Variants in ANKRD33B observed in about 807,000 individuals in gnomAD.
The protein encoded by ANKRD33B is ankyrin repeat domain 33B.
In ANKRD33B, 6 loss-of-function variants were observed where a neutral mutation model predicts 21.5. That is an observed-to-expected ratio of 0.28 (90% CI 0.15 to 0.55). The LOEUF is 0.55. Among genes scored for constraint, ANKRD33B ranks in the 20% least tolerant of loss-of-function variants. ANKRD33B has a pLI of 0.94. For missense variants in ANKRD33B, 698 were observed against 747.2 expected, an observed-to-expected ratio of 0.93 and a Z score of 0.77; for synonymous variants, 347 against 342.4, an observed-to-expected ratio of 1.01 and a Z score of -0.15.
At chr5:10,600,747 G>A (rs75096862) in intron 1 of ANKRD33B, among the ~76,000 whole-genome samples, 122 of 152,272 alleles carry the variant, frequency 8.0e-4, no homozygotes, top group African/African-American at 2.8e-3. Flanking sequence ...CAGTTTCCCA[G>A]TGTGGTTCTT....
At chr5:10,630,436 C>T (rs369556111) in intron 2 of ANKRD33B, among the ~76,000 whole-genome samples, 3 of 152,218 alleles carry the variant, frequency 2.0e-5, no homozygotes, top group Non-Finnish European at 2.9e-5. Context: ...AACATCCCAT[C>T]GGCCAAGGTT....
chr5:10,568,056 GTAAC>G (rs943233679), intron 1 of ANKRD33B, among the ~76,000 whole-genome samples: 41 of 152,284 alleles, frequency 2.7e-4, no homozygotes, highest in Admixed American at 2.2e-3. Flanking sequence ...TTTGGTCTGG[GTAAC>G]TAAGGGTCAG....
At chr5:10,646,350 ACTTAT>A (rs1737188874) in intron 3 of ANKRD33B, among the ~76,000 whole-genome samples, 3 of 152,214 alleles carry the variant, frequency 2.0e-5, no homozygotes, top group Admixed American at 6.5e-5. Context: ...AATAATCGGT[ACTTAT>A]CTTTTATAAT....
At chr5:10,601,367 C>T (rs575659302) in intron 1 of ANKRD33B, among the ~76,000 whole-genome samples, 9 of 152,338 alleles carry the variant, frequency 5.9e-5, no homozygotes, top group South Asian at 2.1e-4. Flanking sequence ...CACGCCTTTG[C>T]ACATGCTTGC....
chr5:10,587,766 TGTA>T (rs1172584994), intron 1 of ANKRD33B, among the ~76,000 whole-genome samples: 12 of 152,194 alleles, frequency 7.9e-5, no homozygotes, highest in Non-Finnish European at 4.4e-5. Flanking sequence ...TTTATTCACT[TGTA>T]GGGGTATTTC....
chr5:10,657,198 T>C lies in ANKRD33B; in HGVS notation c.*7085T>C, dbSNP rs957546691. 1.6e-4 allele frequency: 25 copies of C among 152,352 alleles called. No individual in the cohort carries two copies. The highest frequency in any genetic ancestry group is 6.0e-4 in the African/African-American group (25 of 41,450). 9.4% of individuals were successfully genotyped at this position (152,352 alleles called of 1,614,324 possible). A position where few individuals can be genotyped will look rare whatever the true frequency, so the allele number is the denominator to read the frequency against. On this transcript the variant is annotated 3_prime_UTR_variant, in exon 4 of 4. Transcript: ENST00000296657. Reference sequence around the variant, plus strand: ...AATATGACCAGCAAGCCCGTGAGCCTTTGGGGCATCCGACTGAATTTGAAA... The same window carrying C: ...AATATGACCAGCAAGCCCGTGAGCCCTTGGGGCATCCGACTGAATTTGAAA...
chr5:10,584,523 A>C (rs1735511769), intron 1 of ANKRD33B, among the ~76,000 whole-genome samples: 1 of 152,090 alleles, frequency 6.6e-6, no homozygotes, highest in African/African-American at 2.4e-5. Context: ...CCAGCCTGGG[A>C]GACAGAGCAA....
At chr5:10,628,159 C>T (rs1736625004) in intron 2 of ANKRD33B, 1 of 152,314 alleles carries the variant, frequency 6.6e-6, no homozygotes, top group Non-Finnish European at 1.5e-5. Context: ...TAACATTTTC[C>T]AATTTTTAGA....
chr5:10,647,065 T>C (rs1311521392), intron 3 of ANKRD33B, among the ~76,000 whole-genome samples: 3 of 152,218 alleles, frequency 2.0e-5, no homozygotes, highest in Admixed American at 6.5e-5. Context: ...TCCATGTTGC[T>C]TTGCTGGTGG....
At chr5:10,586,285 G>A (rs190748227) in intron 1 of ANKRD33B, among the ~76,000 whole-genome samples, 2 of 152,070 alleles carry the variant, frequency 1.3e-5, no homozygotes, top group Admixed American at 1.3e-4. Context: ...CACTTCCCAC[G>A]ATTTGGTTGA....
intron 1 of ANKRD33B, among the ~76,000 whole-genome samples, chr5:10,570,770 G>A (rs1490427202): frequency 6.6e-6 from 1 of 152,044 alleles, no homozygotes; most frequent in Non-Finnish European, 1.5e-5. Context: ...TGTTGCCCAG[G>A]CTGGTCTCAA....
intron 3 of ANKRD33B, among the ~76,000 whole-genome samples, chr5:10,646,791 T>C (rs555194300): frequency 1.3e-5 from 2 of 152,334 alleles, no homozygotes; most frequent in East Asian, 3.9e-4. Flanking sequence ...TAATTACCAC[T>C]CTTCTAATAT....
intron 1 of ANKRD33B, among the ~76,000 whole-genome samples, chr5:10,609,025 G>A (rs1393337825): frequency 6.6e-6 from 1 of 152,210 alleles, no homozygotes; most frequent in African/African-American, 2.4e-5. Flanking sequence ...AGTGTCTAGG[G>A]CTGTATTGCC....
chr5:10,625,182 G>A (rs56006642), intron 2 of ANKRD33B: 4,728 of 160,274 alleles, frequency 0.029, 248 homozygotes, highest in African/African-American at 0.11. Context: ...GCCCAATCAG[G>A]TGATGTCCCA....
At position 10,652,027 on chromosome 5, in the gene ANKRD33B, G is replaced by C. The variant is rs1477921959; in HGVS notation, c.*1914G>C. On this transcript the variant is annotated 3_prime_UTR_variant, in exon 4 of 4. Transcript: ENST00000296657. This position sits in a 1 kb window ranked among gnomAD's most constrained non-coding sequence, Gnocchi z 4.1. Reference sequence around the variant, plus strand: ...CCTCGTGGCCAAGGAGTTGGGATTGGCCATGTCTTCTTCGAGGAGGTGGAG... The same window carrying C: ...CCTCGTGGCCAAGGAGTTGGGATTGCCCATGTCTTCTTCGAGGAGGTGGAG... 1 of 152,394 alleles carries C rather than the reference G, an allele frequency of 6.6e-6. No homozygotes were observed. The highest frequency in any genetic ancestry group is 6.5e-5 in the Admixed American group (1 of 15,286). The allele number at this position is 152,394 out of a possible 1,614,324, so 9.4% of individuals were successfully genotyped here.
intron 2 of ANKRD33B, among the ~76,000 whole-genome samples, chr5:10,633,913 C>T (rs1736794687): frequency 6.6e-6 from 1 of 152,164 alleles, no homozygotes; most frequent in South Asian, 2.1e-4. Context: ...GAGGTTCTCT[C>T]CCTCCTCCCC....
intron 1 of ANKRD33B, among the ~76,000 whole-genome samples, chr5:10,588,051 C>T (rs1735606310): frequency 6.6e-6 from 1 of 152,178 alleles, no homozygotes; most frequent in African/African-American, 2.4e-5. Flanking sequence ...ACTATATCCT[C>T]ATGACACTGA....
rs1318880266 is a variant in ANKRD33B, at chr5:10,656,562, C to T, written c.*6449C>T. 6.6e-6 allele frequency: 1 copy of T among 152,370 alleles called. No individual in the cohort carries two copies. The highest frequency in any genetic ancestry group is 1.5e-5 in the Non-Finnish European group (1 of 68,100). The allele number at this position is 152,370 out of a possible 1,614,324, so 9.4% of individuals were successfully genotyped here. ...GAACCTGCTTTGATGGCGTGTTGTTCAGTGTACTCAGTGGGGTCTCACATG... is the reference window on the plus strand; with the variant it reads ...GAACCTGCTTTGATGGCGTGTTGTTTAGTGTACTCAGTGGGGTCTCACATG... On this transcript the variant is annotated 3_prime_UTR_variant, in exon 4 of 4. Transcript: ENST00000296657.
At chr5:10,641,801 TAA>T (rs112089497) in intron 3 of ANKRD33B, among the ~76,000 whole-genome samples, 31 of 148,924 alleles carry the variant, frequency 2.1e-4, no homozygotes, top group African/African-American at 6.7e-4. Flanking sequence ...TTCTTGGAAA[TAA>T]AAAAAAAAAC....
Sources: allele counts gnomAD v4.1 joint callset (sites outside exome capture counted in the v4.1 genomes callset), GRCh38; gene constraint gnomAD v4.1.1; non-coding constraint Gnocchi (gnomAD v3.1); transcripts MANE v1.5; gene names NCBI Gene and HGNC (gene_info 2026-07-23, HGNC 2026-07-21).